Variants in TENM4 observed in about 807,000 individuals in gnomAD.
The protein encoded by TENM4 is teneurin transmembrane protein 4.
In TENM4, 82 loss-of-function variants were observed where a neutral mutation model predicts 243.3. That is an observed-to-expected ratio of 0.34 (90% confidence interval 0.28 to 0.40). The LOEUF is 0.40. TENM4 is among the 10% of genes least tolerant of loss of function. The probability of loss-of-function intolerance (pLI) is 1.00; values close to 1 mark genes in which losing one functional copy is unlikely to be tolerated. For synonymous variants in TENM4, 1,412 were observed against 1,456.3 expected (o/e 0.97, Z 0.69); for missense variants, 3,138 against 3,673.3 (o/e 0.85, Z 3.77).
intron 6 of TENM4, among the ~76,000 whole-genome samples, chr11:78,987,697 G>T (rs1232068631): frequency 1.3e-5 from 2 of 152,086 alleles, no homozygotes; most frequent in African/African-American, 4.8e-5. Flanking sequence ...AAATGTGAAG[G>T]TGCTACATTC....
chr11:79,307,715 G>A (rs1156752778), intron 1 of TENM4, among the ~76,000 whole-genome samples: 1 of 152,100 alleles, frequency 6.6e-6, no homozygotes, highest in East Asian at 1.9e-4. Context: ...GCGTGACCCT[G>A]GGCTTTTTGC....
intron 18 of TENM4, among the ~76,000 whole-genome samples, 198 bp from the exon 19 acceptor site, chr11:78,757,219 G>A (rs1856332211): frequency 6.6e-6 from 1 of 152,238 alleles, no homozygotes; most frequent in Non-Finnish European, 1.5e-5. Context: ...AGTCTAGAAG[G>A]AGAGATAGAC....
Position 78,778,618 on chromosome 11 carries a change from C to A in TENM4, c.2376G>T (p.Leu792=). ...AGACCATACCTTTAACTACCCTATC[C>A]AGATAGTGAGCTAGGGAGATAAAAG... ...NGEHCTIAHY[L]DRVVKEGCPG... The change falls in exon 17 of 34, where the codon CTG becomes CTT. Residue 792 remains leucine (L), a synonymous_variant. Transcript: ENST00000278550. 6.2e-7 allele frequency: 1 copy of A among 1,612,162 alleles called. No individual in the cohort carries two copies. The highest frequency in any genetic ancestry group is 1.1e-5 in the South Asian group (1 of 90,258).
In TENM4 at chr11:78,669,651, C is replaced by T; in HGVS notation, c.6694G>A (p.Ala2232Thr). 2 of 1,613,980 alleles carry T rather than the reference C, an allele frequency of 1.2e-6. No individual in the cohort carries two copies. Among genetic ancestry groups the T allele is most frequent in the South Asian group, 2.2e-5 (2 of 91,074 alleles). Residue 2232 changes from alanine to threonine, a missense_variant, in exon 32 of 34, where the codon GCA (alanine) becomes ACA (threonine). By Grantham distance (58) the Ala-to-Thr change is moderately conservative. Around this residue, in one of 2 missense-constraint regions of TENM4, gnomAD observed 2,467 missense variants for 3,059.1 expected, o/e 0.81. Coordinates refer to ENST00000278550, the MANE Select transcript of TENM4 (RefSeq NM_001098816.3). This position sits in a 1 kb window ranked among gnomAD's most constrained non-coding sequence, Gnocchi z 6.4. ...NLHLLSPGNS[A>T]RLTPLRYDIR... ...TCATACCGTAGTGGTGTGAGCCGTG[C>T]ACTGTTCCCAGGGCTCAGTAAGTGC...
At chr11:79,419,143 C>T (rs1281108960) in intron 1 of TENM4, among the ~76,000 whole-genome samples, 4 of 152,292 alleles carry the variant, frequency 2.6e-5, no homozygotes, top group East Asian at 3.9e-4. Flanking sequence ...AGGACAAACT[C>T]GCATCTAAAG....
chr11:79,411,703 T>C (rs1858705075), intron 1 of TENM4, among the ~76,000 whole-genome samples: 1 of 152,110 alleles, frequency 6.6e-6, no homozygotes, highest in Non-Finnish European at 1.5e-5. Context: ...GGTTTTTGGT[T>C]TTTGGTTTCC....
rs146784179 is a variant in TENM4 at position 78,938,883 on chromosome 11, C to A, written c.494-35360G>T. ...GCACTTATAGCATGGTCACACAAGA[C>A]TTTCCTTTGTTCTTACAGCAAAAAC... On this transcript the variant is annotated intron_variant, in intron 6 of 33. Coordinates refer to ENST00000278550, the MANE Select transcript of TENM4 (RefSeq NM_001098816.3). Among the ~76,000 whole-genome samples the A allele has an allele frequency of 1.4e-4, 22 of 152,322 alleles. No individual in the cohort carries two copies. In the East Asian group the frequency reaches 4.2e-3, roughly 29 times the overall value.
chr11:78,968,631 C>T (rs1208222826), intron 6 of TENM4, among the ~76,000 whole-genome samples: 1 of 152,244 alleles, frequency 6.6e-6, no homozygotes, highest in African/African-American at 2.4e-5. Context: ...TACAGAGCCT[C>T]TCCTGGAGGC....
intron 16 of TENM4, among the ~76,000 whole-genome samples, chr11:78,784,243 A>G (rs1856891667): frequency 6.6e-6 from 1 of 152,220 alleles, no homozygotes; most frequent in Non-Finnish European, 1.5e-5. Flanking sequence ...CAGGGAGTAA[A>G]GTTCTCTGGA....
chr11:79,289,593 G>A (rs114534841), intron 2 of TENM4, among the ~76,000 whole-genome samples: 1 of 152,332 alleles, frequency 6.6e-6, no homozygotes, highest in African/African-American at 2.4e-5. Context: ...TGATTGCTTT[G>A]CAGCTCAACT....
At chr11:78,865,801 G>A (rs1858960539) in intron 9 of TENM4, among the ~76,000 whole-genome samples, 1 of 152,152 alleles carries the variant, frequency 6.6e-6, no homozygotes, top group Admixed American at 6.6e-5. Context: ...AAGGTGTGTG[G>A]GACCAGAGGA....
chr11:79,237,941 G>C (rs1565263399), intron 2 of TENM4, among the ~76,000 whole-genome samples: 1 of 152,096 alleles, frequency 6.6e-6, no homozygotes, highest in East Asian at 1.9e-4. Context: ...GATGTACAAA[G>C]AGAATAGCAA....
chr11:79,196,561 C>T (rs533995515), intron 3 of TENM4, among the ~76,000 whole-genome samples: 1 of 152,164 alleles, frequency 6.6e-6, no homozygotes, highest in Admixed American at 6.5e-5. Context: ...GGAGTCAGCC[C>T]CCGGCTGGTG....
At chr11:78,959,877 C>A (rs1010287345) in intron 6 of TENM4, among the ~76,000 whole-genome samples, 1 of 152,060 alleles carries the variant, frequency 6.6e-6, no homozygotes, top group African/African-American at 2.4e-5. Context: ...AATCTCTTGC[C>A]TTCTCTTCTA....
Position 78,899,814 on chromosome 11 carries a change from T to C in TENM4, c.749+3454A>G, listed in dbSNP as rs536214275. 1.8e-4 allele frequency among the ~76,000 whole-genome samples: 27 copies of C among 152,286 alleles called. No individual in the cohort carries two copies. In the South Asian group the frequency reaches 5.4e-3, roughly 30 times the overall value. On this transcript the variant is annotated intron_variant, in intron 7 of 33. Coordinates refer to ENST00000278550, the MANE Select transcript of TENM4 (RefSeq NM_001098816.3). ...ACTGGCTCCCCTTTACTTTCTGCCA[T>C]GAGTGGAAGCAGCCTGAGGCTCTCA...
At chr11:78,973,305 G>A (rs746200808) in intron 6 of TENM4, among the ~76,000 whole-genome samples, 16 of 152,164 alleles carry the variant, frequency 1.1e-4, no homozygotes, top group Non-Finnish European at 2.2e-4. Context: ...AGTGTATGAG[G>A]GTGCCAATTT....
intron 6 of TENM4, among the ~76,000 whole-genome samples, chr11:79,023,704 G>A (rs899973247): frequency 1.3e-5 from 2 of 152,160 alleles, no homozygotes; most frequent in African/African-American, 4.8e-5. Flanking sequence ...ATAGTAATTG[G>A]TTGATAAAGA....
chr11:79,221,250 C>T (rs1469455475), intron 2 of TENM4: 1 of 152,174 alleles, frequency 6.6e-6, no homozygotes, highest in Non-Finnish European at 1.5e-5. Flanking sequence ...GGTTAATACC[C>T]TTCTCCTGAC....
intron 17 of TENM4, among the ~76,000 whole-genome samples, chr11:78,771,878 A>G (rs1308526054): frequency 6.6e-6 from 1 of 152,180 alleles, no homozygotes; most frequent in Non-Finnish European, 1.5e-5. Flanking sequence ...TTACGCTCAT[A>G]TGCACATCTG....
Sources: allele counts gnomAD v4.1 joint callset (sites outside exome capture counted in the v4.1 genomes callset), GRCh38; gene constraint gnomAD v4.1.1; regional missense constraint gnomAD v4.1.1; non-coding constraint Gnocchi (gnomAD v3.1); transcripts MANE v1.5; gene names NCBI Gene and HGNC (gene_info 2026-07-23, HGNC 2026-07-21).